The following PIK3CB variants were observed in gnomAD, a reference collection of about 807,000 sequenced individuals.
PIK3CB encodes the protein phosphatidylinositol 4,5-bisphosphate 3-kinase catalytic subunit beta isoform.
Under a neutral mutation model 136.8 loss-of-function variants are expected in PIK3CB, and 39 were observed. The observed-to-expected ratio is 0.29, with a 90% CI of 0.22 to 0.37. PIK3CB has a LOEUF of 0.37. Among genes scored for constraint, PIK3CB ranks in the 10% least tolerant of loss-of-function variants. PIK3CB has a pLI of 1.00. For missense variants in PIK3CB, 868 were observed against 1,275.4 expected (o/e 0.68, Z 4.87); for synonymous variants, 428 against 436.6 (o/e 0.98, Z 0.25).
intron 13 of PIK3CB, among the ~76,000 whole-genome samples, chr3:138,697,007 G>C (rs2108524330): frequency 6.6e-6 from 1 of 152,300 alleles, no homozygotes; most frequent in African/African-American, 2.4e-5. Context: ...ACTTTGGTAA[G>C]ATTATTTATA....
chr3:138,726,650 T>C (rs2044843761), intron 8 of PIK3CB, among the ~76,000 whole-genome samples: 1 of 152,194 alleles, frequency 6.6e-6, no homozygotes, highest in South Asian at 2.1e-4. Context: ...ACTAGAGCTA[T>C]AAACAGCTAT....
In PIK3CB at chr3:138,833,607, T is replaced by C. The variant is rs537709434; in HGVS notation, c.-122+1088A>G. Among the ~76,000 whole-genome samples, 9 of 152,308 alleles carry C rather than the reference T, an allele frequency of 5.9e-5. No individual in the cohort carries two copies. In the South Asian group the frequency reaches 1.9e-3, roughly 32 times the overall value. Reference sequence around the variant, plus strand: ...CTTCCATTCAGTGCTTCAAAATAAGTACTCATTTAATTATCATGACTTCAC... The same window carrying C: ...CTTCCATTCAGTGCTTCAAAATAAGCACTCATTTAATTATCATGACTTCAC... On this transcript the variant is annotated intron_variant, in intron 1 of 23. Coordinates refer to ENST00000674063, the MANE Select transcript of PIK3CB (RefSeq NM_006219.3).
chr3:138,655,619 C>A (rs2108383575), intron 23 of PIK3CB, 93 bp from the exon 24 acceptor site: 2 of 922,230 alleles, frequency 2.2e-6, no homozygotes, highest in East Asian at 4.8e-5. Context: ...GTTGTGCCTC[C>A]CCAGCCACCA....
At chr3:138,762,727 G>T (rs2045679122) in intron 2 of PIK3CB, among the ~76,000 whole-genome samples, 1 of 152,154 alleles carries the variant, frequency 6.6e-6, no homozygotes, top group South Asian at 2.1e-4. Flanking sequence ...GGAAGCCGAA[G>T]CAAGTGGAGT....
intron 2 of PIK3CB, among the ~76,000 whole-genome samples, chr3:138,779,710 T>TTC (rs879646271): frequency 1.3e-5 from 2 of 150,908 alleles, no homozygotes; most frequent in Admixed American, 1.3e-4. Flanking sequence ...TTTTTTTTTT[T>TTC]AATAGAGACA....
chr3:138,708,491 G>C (rs1185877041), intron 10 of PIK3CB, among the ~76,000 whole-genome samples: 1 of 151,426 alleles, frequency 6.6e-6, no homozygotes, highest in African/African-American at 2.4e-5. Context: ...GAACTCCTGA[G>C]CTCAAGAGAT....
chr3:138,744,290 G>A (rs62280716), intron 4 of PIK3CB, among the ~76,000 whole-genome samples: 1 of 150,182 alleles, frequency 6.7e-6, no homozygotes, highest in African/African-American at 2.4e-5. Flanking sequence ...AGCTACTCGG[G>A]AGGCTGAGGC....
chr3:138,676,055 C>T (rs2043635955), intron 19 of PIK3CB, among the ~76,000 whole-genome samples: 1 of 151,986 alleles, frequency 6.6e-6, no homozygotes, highest in Non-Finnish European at 1.5e-5. Context: ...AACATATTTG[C>T]AAATAATTTA....
rs77566143 is a variant in PIK3CB at position 138,702,715 on chromosome 3, G to A, written c.1581+1728C>T. On this transcript the variant is annotated intron_variant, in intron 12 of 23. Transcript: ENST00000674063. ...TTGTTTTGTATCATTAAAGGTAACT[G>A]CTCTTGCAGTTGTCTCTTTTTAAAG... is the stretch of plus-strand genomic sequence containing the variant. Among the ~76,000 whole-genome samples, 465 of 152,210 alleles carry A rather than the reference G, an allele frequency of 3.1e-3. 2 individuals carry two copies. The highest frequency in any genetic ancestry group is 4.4e-3 in the Non-Finnish European group (296 of 68,000).
Position 138,734,811 on chromosome 3 carries a change from G to A in PIK3CB, c.802-7C>T. ...TCACACAGTTCCGGATATACTATAG[G>A]GGCAAGAAAGGGGAAGGTATTGATT... On this transcript the variant is annotated splice_polypyrimidine_tract_variant and splice_region_variant and intron_variant, in intron 6 of 23. Coordinates refer to ENST00000674063, the MANE Select transcript of PIK3CB (RefSeq NM_006219.3). 1.3e-6 allele frequency: 2 copies of A among 1,568,176 alleles called. No individual in the cohort carries two copies. The highest frequency in any genetic ancestry group is 1.2e-5 in the South Asian group (1 of 83,386).
rs150614052 is a variant in PIK3CB, at chr3:138,825,469, A to G, written c.-122+9226T>C. The G allele has an allele frequency of 1.5e-3, 1,051 of 703,478 alleles. 10 individuals carry two copies. The African/African-American group carries it at 0.017, about 11-fold the overall frequency. 43.6% of individuals were successfully genotyped at this position (703,478 alleles called of 1,614,324 possible). ...TGAGGAAATCATTAAGGAAGTCAGC[A>G]CTTACATTAAGAAAATTGGCTACAA... is the stretch of plus-strand genomic sequence containing the variant. On this transcript the variant is annotated intron_variant, in intron 1 of 23. Transcript: ENST00000674063.
At chr3:138,694,745 A>G in intron 14 of PIK3CB, 41 bp downstream of exon 14, 1 of 1,603,998 alleles carries the variant, frequency 6.2e-7, no homozygotes, top group East Asian at 2.2e-5. Context: ...AACCCACCCA[A>G]GTTATTCCTT....
At chr3:138,826,499 G>GTTTTTTTTTTTTT (rs34843148) in intron 1 of PIK3CB, among the ~76,000 whole-genome samples, 1 of 95,936 alleles carries the variant, frequency 1.0e-5, no homozygotes, top group Admixed American at 1.2e-4. Flanking sequence ...GACCATTTGG[G>GTTTTTTTTTTTTT]TTTTTTTTTT....
At chr3:138,801,559 G>A (rs527602536) in intron 1 of PIK3CB, among the ~76,000 whole-genome samples, 10 of 151,524 alleles carry the variant, frequency 6.6e-5, no homozygotes, top group East Asian at 5.8e-4. Flanking sequence ...AGCAGATCTC[G>A]TCTCTAAAAA....
In PIK3CB at chr3:138,734,643, T is replaced by G. The variant is rs761668818; in HGVS notation, c.963A>C (p.Arg321=). The change falls in exon 7 of 24, where the codon CGA becomes CGC. Residue 321 remains arginine (R), a synonymous_variant. Transcript: ENST00000674063. The part of the protein sequence containing the change: ...LPLPLPPKKT[R]IISHVWENNN... ...CAGAAATAAAACTTACAGAAATAAT[T>G]CGTGTTTTCTTTGGTGGTAATGGAA... 6 of 1,607,262 alleles carry G rather than the reference T, an allele frequency of 3.7e-6. No homozygotes were observed. The East Asian group carries it at 1.3e-4, about 36-fold the overall frequency.
chr3:138,740,964 C>A (rs923034654), intron 5 of PIK3CB, among the ~76,000 whole-genome samples: 2 of 152,208 alleles, frequency 1.3e-5, no homozygotes, highest in African/African-American at 2.4e-5. Flanking sequence ...ACTCTCATCA[C>A]CTTTCAACAG....
chr3:138,800,876 T>C (rs944006537), intron 1 of PIK3CB, among the ~76,000 whole-genome samples: 1 of 152,180 alleles, frequency 6.6e-6, no homozygotes, highest in African/African-American at 2.4e-5. Context: ...TCTACCCACC[T>C]AGGCATCCCA....
In PIK3CB at chr3:138,662,163, C is replaced by T. The variant is rs373999963; in HGVS notation, c.2796+1743G>A. ...TTTAGGGTACATGTGCACAATGTGCCGGTTAGTTACATATGTATACATGTG... is the reference window on the plus strand; with the variant it reads ...TTTAGGGTACATGTGCACAATGTGCTGGTTAGTTACATATGTATACATGTG... On this transcript the variant is annotated intron_variant, in intron 21 of 23. Transcript: ENST00000674063. Among the ~76,000 whole-genome samples the T allele has an allele frequency of 5.1e-4, 76 of 148,270 alleles. No homozygotes were observed. The East Asian group carries it at 0.013, about 25-fold the overall frequency.
rs1433109556 is a variant in PIK3CB at position 138,780,380 on chromosome 3, C to T, written c.-17+16083G>A. On this transcript the variant is annotated intron_variant, in intron 2 of 23. Transcript: ENST00000674063. ...CCGCCTCCAGGGTTCAAGTGATTCT[C>T]CTGCCTCAGCCTCCCAAGTAGCTGG... Among the ~76,000 whole-genome samples, 4 of 152,266 alleles carry T rather than the reference C, an allele frequency of 2.6e-5. No homozygotes were observed. In the East Asian group the frequency reaches 7.7e-4, roughly 29 times the overall value.
Sources: gnomAD v4.1 joint callset for allele counts (sites outside exome capture counted in the v4.1 genomes callset) on GRCh38, gnomAD v4.1.1 for gene constraint, MANE v1.5 for transcripts, NCBI Gene and HGNC (gene_info 2026-07-23, HGNC 2026-07-21) for gene names.